Variants in SLC25A16 observed in about 807,000 individuals in gnomAD.
SLC25A16 encodes solute carrier family 25 member 16.
Under a neutral mutation model 41.5 loss-of-function variants are expected in SLC25A16, and 39 were observed. The ratio of observed to expected loss-of-function variants is 0.94; its 90% confidence interval spans 0.73 to 1.23. The LOEUF (loss-of-function observed/expected upper bound fraction) is 1.23, where lower values mean the gene tolerates loss of function less well. SLC25A16 is among the 50% of genes most tolerant of loss of function. The pLI, the probability that SLC25A16 is intolerant of heterozygous loss-of-function variation, is 0.00. For synonymous variants in SLC25A16, 146 were observed against 147.8 expected (o/e 0.99, Z 0.09); for missense variants, 421 against 426.9 (o/e 0.99, Z 0.12).
rs980688556 is a variant in SLC25A16 at position 68,488,766 on chromosome 10, A to C, written c.611-137T>G. On this transcript the variant is annotated intron_variant, in intron 6 of 8. Transcript: ENST00000609923. ...TTAAAATAGAAAGATTTGTGTACAT[A>C]AATAACCTAAAGATGACAAAATTAC... 15 of 717,846 alleles carry C rather than the reference A, an allele frequency of 2.1e-5. No individual in the cohort carries two copies. In the East Asian group the frequency reaches 4.2e-4, roughly 20 times the overall value. 44.5% of individuals were successfully genotyped at this position (717,846 alleles called of 1,614,324 possible). A position where few individuals can be genotyped will look rare whatever the true frequency, so the allele number is the denominator to read the frequency against.
At position 68,493,434 on chromosome 10, in the gene SLC25A16, G is replaced by T. The variant is rs750422356; in HGVS notation, c.543+15C>A. On this transcript the variant is annotated intron_variant, in intron 5 of 8. Transcript: ENST00000609923. Reference sequence around the variant, plus strand: ...AAAGGGCATGTTATAGATGAGGAAGGTAAATATGAAATACCTTTGCATAAA... The same window carrying T: ...AAAGGGCATGTTATAGATGAGGAAGTTAAATATGAAATACCTTTGCATAAA... 6.2e-7 allele frequency: 1 copy of T among 1,608,164 alleles called. No individual in the cohort carries two copies. Among genetic ancestry groups the T allele is most frequent in the Non-Finnish European group, 8.5e-7 (1 of 1,174,778 alleles).
In SLC25A16 at chr10:68,479,596, G is replaced by A. The variant is rs2052463016; in HGVS notation, c.*3836C>T. ...CGGGGGGGCAGATCACTTGAGGTCA[G>A]GTATTCAAGACCAGCCTGGCCAACA... On this transcript the variant is annotated 3_prime_UTR_variant, in exon 9 of 9. Coordinates refer to ENST00000609923, the MANE Select transcript of SLC25A16 (RefSeq NM_152707.4). 1 of 152,220 alleles carries A rather than the reference G, an allele frequency of 6.6e-6. No individual in the cohort carries two copies. Among genetic ancestry groups the A allele is most frequent in the Admixed American group, 6.6e-5 (1 of 15,262 alleles). The allele number at this position is 152,220 out of a possible 1,614,324, so 9.4% of individuals were successfully genotyped here. A position where few individuals can be genotyped will look rare whatever the true frequency, so the allele number is the denominator to read the frequency against.
intron 4 of SLC25A16, 102 bp from the exon 5 acceptor site, chr10:68,493,672 C>T (rs989929566): frequency 2.3e-5 from 21 of 925,982 alleles, no homozygotes; most frequent in Admixed American, 8.8e-5. Flanking sequence ...ATGGTGAAAA[C>T]CCAATAAAAT....
At chr10:68,492,792 A>G (rs2052681571) in intron 6 of SLC25A16, among the ~76,000 whole-genome samples, 1 of 152,196 alleles carries the variant, frequency 6.6e-6, no homozygotes, top group South Asian at 2.1e-4. Context: ...AAAATTTGCC[A>G]TGTCTTCATT....
At chr10:68,495,853 T>TG in intron 4 of SLC25A16, among the ~76,000 whole-genome samples, 2 of 150,312 alleles carry the variant, frequency 1.3e-5, no homozygotes, top group Non-Finnish European at 3.0e-5. Flanking sequence ...AATTAGACTC[T>TG]ACTACTAACT....
intron 3 of SLC25A16, among the ~76,000 whole-genome samples, chr10:68,505,410 T>C (rs184623384): frequency 2.6e-5 from 4 of 152,056 alleles, no homozygotes; most frequent in Admixed American, 2.0e-4. Context: ...TAAAAATATA[T>C]TAATATTATA....
chr10:68,509,731 C>A (rs574629650), intron 2 of SLC25A16, among the ~76,000 whole-genome samples: 2 of 136,930 alleles, frequency 1.5e-5, no homozygotes, highest in African/African-American at 2.9e-5. Context: ...ATCTATCTAT[C>A]TATATATATA....
At chr10:68,508,414 A>AAG (rs1400660819) in intron 2 of SLC25A16, among the ~76,000 whole-genome samples, 5 of 151,024 alleles carry the variant, frequency 3.3e-5, no homozygotes, top group African/African-American at 1.2e-4. Flanking sequence ...AAAAAAAAAA[A>AAG]AAAAAAAAAG....
intron 1 of SLC25A16, 37 bp downstream of exon 1, chr10:68,527,209 C>A: frequency 6.5e-7 from 1 of 1,542,084 alleles, no homozygotes; most frequent in Middle Eastern, 1.7e-4. Flanking sequence ...GCCCCCGCCA[C>A]TCAGAGCGCG....
At chr10:68,500,122 A>G (rs1388775222) in intron 4 of SLC25A16, among the ~76,000 whole-genome samples, 2 of 152,218 alleles carry the variant, frequency 1.3e-5, no homozygotes, top group Admixed American at 6.6e-5. Flanking sequence ...AAAAGTTTTT[A>G]AAAAGCTTTA....
rs183551324 is a variant in SLC25A16 at position 68,514,388 on chromosome 10, C to A, written c.223+2363G>T. Among the ~76,000 whole-genome samples, 52 of 152,136 alleles carry A rather than the reference C, an allele frequency of 3.4e-4. 1 individual carries two copies. The Middle Eastern group carries it at 0.014, about 40-fold the overall frequency. ...GTGCACGCCTATAGTCCCAGCCACT[C>A]AGGAGGCTGAGGTAGGAGAATCACT... On this transcript the variant is annotated intron_variant, in intron 2 of 8. Coordinates refer to ENST00000609923, the MANE Select transcript of SLC25A16 (RefSeq NM_152707.4).
At chr10:68,519,566 T>C (rs2133595030) in intron 1 of SLC25A16, among the ~76,000 whole-genome samples, 1 of 152,176 alleles carries the variant, frequency 6.6e-6, no homozygotes, top group South Asian at 2.1e-4. Context: ...TTGGATACAT[T>C]TGGTTTCAGA....
chr10:68,512,428 G>C (rs1189309068), intron 2 of SLC25A16, among the ~76,000 whole-genome samples: 2 of 137,638 alleles, frequency 1.5e-5, no homozygotes, highest in African/African-American at 5.7e-5. Context: ...ACGAGGTCAG[G>C]AGATCGAGAC....
At chr10:68,486,451 G>T (rs1194179318) in intron 8 of SLC25A16, among the ~76,000 whole-genome samples, 2 of 151,128 alleles carry the variant, frequency 1.3e-5, no homozygotes, top group Non-Finnish European at 2.9e-5. Context: ...TTATTGAGAT[G>T]GAGTCTCACT....
intron 4 of SLC25A16, among the ~76,000 whole-genome samples, chr10:68,494,747 C>T (rs865875737): frequency 2.3e-4 from 32 of 140,368 alleles, no homozygotes; most frequent in African/African-American, 6.2e-4. Flanking sequence ...CCTGGTGGCA[C>T]GCGCCTGTAG....
In SLC25A16 at chr10:68,482,625, G is replaced by A. The variant is rs2052497069; in HGVS notation, c.*807C>T. The A allele has an allele frequency of 6.6e-6, 1 of 151,880 alleles. No individual in the cohort carries two copies. 9.4% of individuals were successfully genotyped at this position (151,880 alleles called of 1,614,324 possible). A position where few individuals can be genotyped will look rare whatever the true frequency, so the allele number is the denominator to read the frequency against. ...AAAGATATTCAGTATTTTTATTTCT[G>A]CCTCTGGGAAACACACTGACATTTT... On this transcript the variant is annotated 3_prime_UTR_variant, in exon 9 of 9. Transcript: ENST00000609923.
At chr10:68,508,099 C>T (rs1383065360) in intron 2 of SLC25A16, among the ~76,000 whole-genome samples, 1 of 151,908 alleles carries the variant, frequency 6.6e-6, no homozygotes, top group African/African-American at 2.4e-5. Context: ...GGCATGGTGT[C>T]GTGCGCCTGT....
At chr10:68,525,701 T>C (rs1230247376) in intron 1 of SLC25A16, among the ~76,000 whole-genome samples, 1 of 152,144 alleles carries the variant, frequency 6.6e-6, no homozygotes, top group African/African-American at 2.4e-5. Flanking sequence ...GATCAGATTG[T>C]TACTGTGTCT....
intron 4 of SLC25A16, among the ~76,000 whole-genome samples, chr10:68,500,998 T>A (rs989135144): frequency 1.3e-5 from 2 of 151,498 alleles, no homozygotes; most frequent in African/African-American, 4.9e-5. Flanking sequence ...ACACCTGTAA[T>A]CCCAGCACTT....
Sources: gnomAD v4.1 joint callset for allele counts (sites outside exome capture counted in the v4.1 genomes callset) on GRCh38, gnomAD v4.1.1 for gene constraint, MANE v1.5 for transcripts, NCBI Gene and HGNC (gene_info 2026-07-23, HGNC 2026-07-21) for gene names.